The following GOLGA3 variants were observed in gnomAD, a reference collection of about 807,000 sequenced individuals.
GOLGA3 encodes the protein golgin subfamily A member 3.
A neutral mutation model predicts 169.4 loss-of-function variants in GOLGA3; 75 were observed. The ratio of observed to expected loss-of-function variants is 0.44; its 90% CI spans 0.37 to 0.54. The LOEUF (loss-of-function observed/expected upper bound fraction) is 0.54, where lower values mean the gene tolerates loss of function less well. GOLGA3 is among the 20% of genes least tolerant of loss of function. GOLGA3 has a pLI of 0.00. For synonymous variants in GOLGA3, 824 were observed against 822.4 expected, an observed-to-expected ratio of 1.00 and a Z score of -0.03; for missense variants, 1,899 against 1,930.0, an observed-to-expected ratio of 0.98 and a Z score of 0.30.
At position 132,808,359 on chromosome 12, in the gene GOLGA3, G is replaced by GT; in HGVS notation, c.709dup (p.Thr237AsnfsTer16). The stretch of plus-strand genomic sequence containing the variant: ...AGACCGGATTTTGCTTGATTTGGAA[G>GT]TTTTTTTCTCCCTAGGATGTGCCGG... On this transcript the variant is annotated frameshift_variant, in exon 5 of 24. Transcript: ENST00000450791. LOFTEE classifies it high-confidence loss of function. 2 of 1,614,076 alleles carry GT rather than the reference G, an allele frequency of 1.2e-6. No homozygotes were observed. Among genetic ancestry groups the GT allele is most frequent in the Non-Finnish European group, 1.7e-6 (2 of 1,179,996 alleles).
At position 132,772,920 on chromosome 12, in the gene GOLGA3, C is replaced by G. The variant is rs992582991; in HGVS notation, c.*185G>C. On this transcript the variant is annotated 3_prime_UTR_variant, in exon 24 of 24. Transcript: ENST00000450791. ...AGAGTTGGTCATTCCATGTGAAAAGCTAATTGTGATCTTCGAATGTTTTTC... is the reference window on the plus strand; with the variant it reads ...AGAGTTGGTCATTCCATGTGAAAAGGTAATTGTGATCTTCGAATGTTTTTC... 3.8e-6 allele frequency: 2 copies of G among 533,138 alleles called. No homozygotes were observed. The highest frequency in any genetic ancestry group is 3.3e-6 in the Non-Finnish European group (1 of 300,108). 33.0% of individuals were successfully genotyped at this position (533,138 alleles called of 1,614,324 possible). A position where few individuals can be genotyped will look rare whatever the true frequency, so the allele number is the denominator to read the frequency against.
At chr12:132,795,185 C>CAA (rs56353207) in intron 11 of GOLGA3, among the ~76,000 whole-genome samples, 271 of 127,712 alleles carry the variant, frequency 2.1e-3, no homozygotes, top group African/African-American at 4.7e-3. Context: ...GACTCCATCT[C>CAA]AAAAAAAAAA....
intron 12 of GOLGA3, among the ~76,000 whole-genome samples, chr12:132,790,985 A>G (rs989635535): frequency 7.5e-6 from 1 of 133,422 alleles, no homozygotes; most frequent in Non-Finnish European, 1.6e-5. Context: ...CGGGAGGCAG[A>G]GCTTGCAGTG....
intron 16 of GOLGA3, among the ~76,000 whole-genome samples, chr12:132,782,705 C>A (rs2045672052): frequency 1.3e-5 from 2 of 151,150 alleles, no homozygotes; most frequent in Non-Finnish European, 1.5e-5. Context: ...GGTGAAACCC[C>A]GTCCCTACTG....
chr12:132,804,818 C>T lies in GOLGA3; in HGVS notation c.1495G>A (p.Ala499Thr). The change falls in exon 7 of 24, where the codon GCG (alanine) becomes ACG (threonine). Residue 499 changes from alanine (A) to threonine (T), a missense_variant. Ala to Thr is a moderately conservative substitution (Grantham distance 58). Transcript: ENST00000450791. This position sits in a 1 kb window ranked among gnomAD's most constrained non-coding sequence, Gnocchi z 4.1. ...NMLEAKNASL[A>T]SSNNDLQVAE... Reference sequence around the variant, plus strand: ...ACCTGCAAGTCGTTGTTGGACGACGCCAGGCTGGCATTTTTTGCCTCCAGC... The same window carrying T: ...ACCTGCAAGTCGTTGTTGGACGACGTCAGGCTGGCATTTTTTGCCTCCAGC... 6.2e-7 allele frequency: 1 copy of T among 1,614,214 alleles called. No homozygotes were observed. The highest frequency in any genetic ancestry group is 8.5e-7 in the Non-Finnish European group (1 of 1,180,008).
intron 1 of GOLGA3, chr12:132,826,281 G>C (rs1950413887): frequency 1.9e-6 from 2 of 1,027,306 alleles, no homozygotes; most frequent in Non-Finnish European, 1.4e-6. Context: ...GCAGCATCAC[G>C]GCCACGGCCC....
At chr12:132,801,142 GAC>G (rs1255655975) in intron 8 of GOLGA3, among the ~76,000 whole-genome samples, 2 of 152,260 alleles carry the variant, frequency 1.3e-5, no homozygotes, top group African/African-American at 4.8e-5. Context: ...GGCCTGGACG[GAC>G]ACACACTCCC....
At chr12:132,798,678 C>T (rs751853376) in intron 8 of GOLGA3, among the ~76,000 whole-genome samples, 37 of 62,564 alleles carry the variant, frequency 5.9e-4, no homozygotes, top group Non-Finnish European at 8.0e-4. Context: ...GGAGGGCGGG[C>T]GGGCCATCAG....
chr12:132,822,561 G>C (rs979953970), intron 1 of GOLGA3, among the ~76,000 whole-genome samples: 52 of 152,324 alleles, frequency 3.4e-4, no homozygotes, highest in Middle Eastern at 3.4e-3. Flanking sequence ...CATTCTGCTG[G>C]GACAGCGCAG....
At position 132,816,736 on chromosome 12, in the gene GOLGA3, C is replaced by T. The variant is rs1196312494; in HGVS notation, c.210G>A (p.Gly70=). Residue 70 remains glycine (G), a synonymous_variant, in exon 3 of 24, where the codon GGG becomes GGA. Transcript: ENST00000450791. ...GPGQGGLCQN[G]PTPPFPDPPS... is the part of the protein sequence containing the mutation. ...GAGGGTCTGGGAAGGGTGGCGTTGG[C>T]CCGTTCTGACAGAGGCCTCCCTGGC... 1.2e-6 allele frequency: 2 copies of T among 1,613,886 alleles called. No homozygotes were observed. Among genetic ancestry groups the T allele is most frequent in the Non-Finnish European group, 1.7e-6 (2 of 1,179,828 alleles).
chr12:132,782,173 G>A (rs575151385), intron 17 of GOLGA3, 123 bp downstream of exon 17: 62 of 920,314 alleles, frequency 6.7e-5, no homozygotes, highest in African/African-American at 4.1e-4. Flanking sequence ...CTGTTCTCTC[G>A]GCTGCAGGCC....
intron 15 of GOLGA3, among the ~76,000 whole-genome samples, 169 bp from the exon 16 acceptor site, chr12:132,784,476 A>G (rs757632259): frequency 1.7e-4 from 26 of 152,236 alleles, no homozygotes; most frequent in African/African-American, 5.8e-4. Context: ...TTAACCGACC[A>G]CAGCATGCAC....
intron 2 of GOLGA3, among the ~76,000 whole-genome samples, chr12:132,818,004 T>C (rs1440578451): frequency 7.8e-4 from 26 of 33,396 alleles, no homozygotes; most frequent in African/African-American, 2.8e-3. Flanking sequence ...TAAGGTGAAC[T>C]CACCCTCCAC....
intron 15 of GOLGA3, among the ~76,000 whole-genome samples, chr12:132,786,049 CCTCTG>C (rs1201781942): frequency 6.6e-6 from 1 of 152,224 alleles, no homozygotes; most frequent in Non-Finnish European, 1.5e-5. Context: ...GCAGGCCCTC[CCTCTG>C]CCCCAAGGGA....
At chr12:132,773,398 G>A (rs1379970724) in intron 23 of GOLGA3, 104 bp from the exon 24 acceptor site, 16 of 669,588 alleles carry the variant, frequency 2.4e-5, no homozygotes, top group Admixed American at 7.1e-5. Flanking sequence ...GGACCGGGGC[G>A]CCTTCGGGGA....
At chr12:132,801,463 T>A (rs11147081) in intron 8 of GOLGA3, among the ~76,000 whole-genome samples, 326 of 150,956 alleles carry the variant, frequency 2.2e-3, no homozygotes, top group Admixed American at 3.8e-3. Flanking sequence ...GGTGGGAGGG[T>A]CCCGAGACCC....
intron 4 of GOLGA3, among the ~76,000 whole-genome samples, chr12:132,812,228 TA>T (rs61134953): frequency 0.18 from 20,694 of 116,114 alleles, 1,770 homozygotes; most frequent in Non-Finnish European, 0.27. Context: ...TATATATATA[TA>T]TTTTTTTTAA....
At chr12:132,778,888 C>T (rs117487314) in intron 18 of GOLGA3, among the ~76,000 whole-genome samples, 14,442 of 143,480 alleles carry the variant, frequency 0.1, 898 homozygotes, top group South Asian at 0.15. Context: ...AGTGAGACTC[C>T]GTCTGAAAAA....
intron 2 of GOLGA3, among the ~76,000 whole-genome samples, chr12:132,820,023 C>T (rs1342989563): frequency 6.6e-6 from 1 of 152,102 alleles, no homozygotes; most frequent in Non-Finnish European, 1.5e-5. Flanking sequence ...ACTAAAAATA[C>T]AAAATTAGCT....
Sources: allele counts gnomAD v4.1 joint callset (sites outside exome capture counted in the v4.1 genomes callset), GRCh38; gene constraint gnomAD v4.1.1; non-coding constraint Gnocchi (gnomAD v3.1); transcripts MANE v1.5; gene names NCBI Gene and HGNC (gene_info 2026-07-23, HGNC 2026-07-21).